Variants in AXIN2 observed in about 807,000 individuals in gnomAD.
AXIN2 encodes axin 2, also known as axin-2.
Under a neutral mutation model 74.7 loss-of-function variants are expected in AXIN2, and 21 were observed. That is an observed-to-expected ratio of 0.28 (90% CI 0.20 to 0.40). The LOEUF is 0.40. Among genes scored for constraint, AXIN2 ranks in the 10% least tolerant of loss-of-function variants. The pLI, the probability that AXIN2 is intolerant of heterozygous loss-of-function variation, is 1.00. For synonymous variants in AXIN2, 532 were observed against 454.9 expected (o/e 1.17, Z -2.16); for missense variants, 1,144 against 1,111.1 (o/e 1.03, Z -0.42).
chr17:65,535,896 G>A (rs144363162), intron 8 of AXIN2, among the ~76,000 whole-genome samples, 175 bp from the exon 9 acceptor site: 10 of 152,296 alleles, frequency 6.6e-5, no homozygotes, highest in Non-Finnish European at 1.3e-4. Context: ...CCAGGAAGAC[G>A]TCTTGGAACA....
At chr17:65,536,596 T>C in intron 7 of AXIN2, 43 bp from the exon 8 acceptor site, 1 of 1,602,824 alleles carries the variant, frequency 6.2e-7, no homozygotes. Flanking sequence ...GGAAAGAAAC[T>C]GGGTTAGAAG....
At chr17:65,552,888 C>T (rs1022138421) in intron 2 of AXIN2, among the ~76,000 whole-genome samples, 4 of 151,912 alleles carry the variant, frequency 2.6e-5, no homozygotes, top group East Asian at 1.9e-4. Flanking sequence ...ACTAGCCGGG[C>T]GTGGTGGCGC....
chr17:65,537,899 T>C, intron 5 of AXIN2, 64 bp from the exon 6 acceptor site: 1 of 1,488,382 alleles, frequency 6.7e-7, no homozygotes, highest in Non-Finnish European at 9.0e-7. Context: ...GGCCCTGGGG[T>C]TGCAACATTC....
chr17:65,536,443 G>A lies in AXIN2; in HGVS notation c.2018C>T (p.Thr673Ile), dbSNP rs576688801. Reference sequence around the variant, plus strand: ...CTGGGTGAACAGGTGGGCACGGGGGGTGGTGCGGGGGTGCCCGCTGTTGCC... The same window carrying A: ...CTGGGTGAACAGGTGGGCACGGGGGATGGTGCGGGGGTGCCCGCTGTTGCC... Reference protein sequence around the residue: ...WGGNSGHPRTTPRAHLFTQDP... With the variant: ...WGGNSGHPRTIPRAHLFTQDP... Residue 673 changes from threonine to isoleucine, a missense_variant, in exon 8 of 11, where the codon ACC becomes ATC. Around this residue, in one of 4 missense-constraint regions of AXIN2, gnomAD observed 1,053 missense variants for 973.5 expected, o/e 1.08. Transcript: ENST00000307078. 1.2e-6 allele frequency: 2 copies of A among 1,601,520 alleles called. No individual in the cohort carries two copies. Among genetic ancestry groups the A allele is most frequent in the Admixed American group, 3.4e-5 (2 of 59,482 alleles).
In AXIN2 at chr17:65,537,660, C is replaced by G. The variant is rs368525111; in HGVS notation, c.1376G>C (p.Arg459Pro). The change falls in exon 6 of 11, where the codon CGC becomes CCC. Residue 459 changes from arginine (R) to proline (P), a missense_variant. Arg to Pro is a moderately radical substitution (Grantham distance 103). This residue lies in a region of AXIN2 where 1,053 missense variants were observed against 973.5 expected (regional missense o/e 1.08). Transcript: ENST00000307078. Reference protein sequence around the residue: ...TPGCQSPGVGRYSPRSRSPDH... With the variant: ...TPGCQSPGVGPYSPRSRSPDH... Reference sequence around the variant, plus strand: ...CGGGGAGCGGGAGCGGGGGCTATAGCGGCCTACGCCTGGAGACTGGCAGCC... The same window carrying G: ...CGGGGAGCGGGAGCGGGGGCTATAGGGGCCTACGCCTGGAGACTGGCAGCC... The G allele has an allele frequency of 3.2e-6, 5 of 1,563,328 alleles. No homozygotes were observed. Among genetic ancestry groups the G allele is most frequent in the East Asian group, 4.7e-5 (2 of 42,664 alleles).
rs4464119 is a variant in AXIN2, at chr17:65,538,630, T to C, written c.1060-287A>G. ...TACAACCAGCCCATCAGTAGTTACTTTGAAGTAGAAAATCTTCAAAGACTG... is the reference window on the plus strand; with the variant it reads ...TACAACCAGCCCATCAGTAGTTACTCTGAAGTAGAAAATCTTCAAAGACTG... On this transcript the variant is annotated intron_variant, in intron 4 of 10. Transcript: ENST00000307078. 1 allele frequency among the ~76,000 whole-genome samples: 91,442 copies of C among 91,442 alleles called. 45,721 individuals are homozygous for C. Among genetic ancestry groups the C allele is most frequent in the Non-Finnish European group, 1 (44,650 of 44,650 alleles). 60.0% of individuals were successfully genotyped at this position (91,442 alleles called of 152,430 possible). A position where few individuals can be genotyped will look rare whatever the true frequency, so the allele number is the denominator to read the frequency against.
chr17:65,537,159 C>T, intron 6 of AXIN2, 96 bp from the exon 7 acceptor site: 1 of 1,545,222 alleles, frequency 6.5e-7, no homozygotes. Flanking sequence ...GGGCTGGTGA[C>T]ACGAAAGACC....
intron 6 of AXIN2, 53 bp downstream of exon 6, chr17:65,537,271 C>G: frequency 6.2e-7 from 1 of 1,611,286 alleles, no homozygotes. Flanking sequence ...TGCCCATGGA[C>G]CTGGCTGGGA....
At position 65,537,817 on chromosome 17, in the gene AXIN2, A is replaced by C. The variant is rs1205776646; in HGVS notation, c.1219T>G (p.Ser407Ala). Reference sequence around the variant, plus strand: ...TCCCGCGAATTGAGTGTGAGCTCGGAGCCCTCTCTCTCTTCATCCTGAAAG... The same window carrying C: ...TCCCGCGAATTGAGTGTGAGCTCGGCGCCCTCTCTCTCTTCATCCTGAAAG... ...QIREDEEREG[S>A]ELTLNSREGA... Residue 407 changes from serine to alanine, a missense_variant, in exon 6 of 11, where the codon TCC (serine) becomes GCC (alanine). By Grantham distance (99) the Ser-to-Ala change is moderately conservative. Transcript: ENST00000307078. 1 of 1,572,162 alleles carries C rather than the reference A, an allele frequency of 6.4e-7. No homozygotes were observed. The highest frequency in any genetic ancestry group is 2.3e-5 in the East Asian group (1 of 43,798).
At position 65,534,068 on chromosome 17, in the gene AXIN2, G is replaced by A. The variant is rs772888193; in HGVS notation, c.2249C>T (p.Pro750Leu). Reference protein sequence around the residue: ...PSLAPEDHKEPKKLAGVHALQ... With the variant: ...PSLAPEDHKELKKLAGVHALQ... ...CGCGTGGACACCTGCCAGTTTCTTT[G>A]GCTCTTTGTGACTGAAAATAAGATG... The change falls in exon 10 of 11, where the codon CCA (proline) becomes CTA (leucine). Residue 750 changes from proline to leucine, a missense_variant. Around this residue, in one of 4 missense-constraint regions of AXIN2, gnomAD observed 1,053 missense variants for 973.5 expected, o/e 1.08. Transcript: ENST00000307078. 13 of 1,614,198 alleles carry A rather than the reference G, an allele frequency of 8.1e-6. No individual in the cohort carries two copies. In the South Asian group the frequency reaches 1.2e-4, roughly 15 times the overall value.
chr17:65,539,897 GTTCTC>G (rs1359681342), intron 4 of AXIN2, among the ~76,000 whole-genome samples: 1 of 152,192 alleles, frequency 6.6e-6, no homozygotes, highest in Admixed American at 6.5e-5. Context: ...AGATGGGGAA[GTTCTC>G]TTGAGTACAG....
intron 10 of AXIN2, among the ~76,000 whole-genome samples, 177 bp from the exon 11 acceptor site, chr17:65,530,279 A>C (rs923969317): frequency 1.2e-4 from 18 of 152,280 alleles, no homozygotes; most frequent in African/African-American, 4.3e-4. Context: ...ACACCACAAG[A>C]AGCAGGTGGG....
intron 9 of AXIN2, 151 bp from the exon 10 acceptor site, chr17:65,534,230 C>T (rs2043871715): frequency 1.0e-6 from 1 of 954,538 alleles, no homozygotes; most frequent in Non-Finnish European, 1.6e-6. Flanking sequence ...GGGGCAGAGC[C>T]CCACATCCCA....
rs1172662195 is a variant in AXIN2 at position 65,558,369 on chromosome 17, G to A, written c.252C>T (p.Ser84=). 5 of 1,612,856 alleles carry A rather than the reference G, an allele frequency of 3.1e-6. No homozygotes were observed. In the South Asian group the frequency reaches 5.5e-5, roughly 18 times the overall value. The change falls in exon 2 of 11, where the codon TCC becomes TCT. Residue 84 remains serine (S), a synonymous_variant. Coordinates refer to ENST00000307078, the MANE Select transcript of AXIN2 (RefSeq NM_004655.4). The part of the protein sequence containing the change: ...PLTRWTKSLH[S]LLGDQDGAYL... Reference sequence around the variant, plus strand: ...AAGCACCGTCTTGATCGCCCAATAAGGAGTGTAAGGACTTGGTCCACCGGG... The same window carrying A: ...AAGCACCGTCTTGATCGCCCAATAAAGAGTGTAAGGACTTGGTCCACCGGG...
intron 2 of AXIN2, among the ~76,000 whole-genome samples, chr17:65,553,444 G>A (rs1375962639): frequency 6.6e-6 from 1 of 152,112 alleles, no homozygotes; most frequent in African/African-American, 2.4e-5. Flanking sequence ...TCCACTGTAA[G>A]AGCTATACTT....
In AXIN2 at chr17:65,537,685, C is replaced by G; in HGVS notation, c.1351G>C (p.Gly451Arg). Residue 451 changes from glycine (G) to arginine (R), a missense_variant, in exon 6 of 11, where the codon GGC becomes CGC. By Grantham distance (125) the Gly-to-Arg change is moderately radical. This residue lies in a region of AXIN2 where 1,053 missense variants were observed against 973.5 expected (regional missense o/e 1.08). Coordinates refer to ENST00000307078, the MANE Select transcript of AXIN2 (RefSeq NM_004655.4). ...DHLSRVLKTP[G>R]CQSPGVGRYS... The stretch of plus-strand genomic sequence containing the variant: ...CGGCCTACGCCTGGAGACTGGCAGC[C>G]AGGGGTCTTGAGGACCCTGGACAGG... 2 of 1,557,254 alleles carry G rather than the reference C, an allele frequency of 1.3e-6. No individual in the cohort carries two copies. Among genetic ancestry groups the G allele is most frequent in the South Asian group, 1.2e-5 (1 of 85,726 alleles).
rs149481893 is a variant in AXIN2, at chr17:65,535,743, G to A, written c.2142-22C>T. On this transcript the variant is annotated intron_variant, in intron 8 of 10. Transcript: ENST00000307078. ...GCACCTGAGGACACAGCCAGGGCGA[G>A]GGATTTAGAGGTACACTGTTGTCCC... is the stretch of plus-strand genomic sequence containing the variant. 8.1e-6 allele frequency: 13 copies of A among 1,597,518 alleles called. No individual in the cohort carries two copies. The East Asian group carries it at 2.9e-4, about 36-fold the overall frequency.
chr17:65,529,651 T>C lies in AXIN2; in HGVS notation c.*325A>G. 2.3e-6 allele frequency: 1 copy of C among 444,322 alleles called. No homozygotes were observed. The highest frequency in any genetic ancestry group is 4.2e-6 in the Non-Finnish European group (1 of 238,572). The allele number at this position is 444,322 out of a possible 1,614,324, so 27.5% of individuals were successfully genotyped here. A position where few individuals can be genotyped will look rare whatever the true frequency, so the allele number is the denominator to read the frequency against. Reference sequence around the variant, plus strand: ...CAGGTAAGCTATACACAGTTTCTCTTAGTTTATGGATTTCAGATCCCTAGG... The same window carrying C: ...CAGGTAAGCTATACACAGTTTCTCTCAGTTTATGGATTTCAGATCCCTAGG... On this transcript the variant is annotated 3_prime_UTR_variant, in exon 11 of 11. Transcript: ENST00000307078.
chr17:65,542,142 A>G (rs2044053509), intron 3 of AXIN2, among the ~76,000 whole-genome samples: 1 of 152,238 alleles, frequency 6.6e-6, no homozygotes, highest in Non-Finnish European at 1.5e-5. Context: ...AAAAGAATAT[A>G]TAACATTTAG....
Sources: gnomAD v4.1 joint callset for allele counts (sites outside exome capture counted in the v4.1 genomes callset) on GRCh38, gnomAD v4.1.1 for gene constraint, gnomAD v4.1.1 regional missense constraint, MANE v1.5 for transcripts, NCBI Gene and HGNC (gene_info 2026-07-23, HGNC 2026-07-21) for gene names.